HAPLN1: variants seen among roughly 807,000 people sequenced by gnomAD.
HAPLN1 encodes hyaluronan and proteoglycan link protein 1.
A neutral mutation model predicts 36.5 loss-of-function variants in HAPLN1; 13 were observed. The ratio of observed to expected loss-of-function variants is 0.36; its 90% CI spans 0.23 to 0.57. The LOEUF is 0.57. Among genes scored for constraint, HAPLN1 ranks in the 20% least tolerant of loss-of-function variants. The pLI, the probability that HAPLN1 is intolerant of heterozygous loss-of-function variation, is 0.83. For synonymous variants in HAPLN1, 202 were observed against 169.8 expected (o/e 1.19, Z -1.48); for missense variants, 407 against 439.7 (o/e 0.93, Z 0.66).
chr5:83,713,146 A>G (rs979702854), intron 1 of HAPLN1, among the ~76,000 whole-genome samples: 1 of 152,228 alleles, frequency 6.6e-6, no homozygotes. Context: ...ATGCAGCAAC[A>G]TATATTTAAA....
At chr5:83,648,324 C>T (rs762617105) in intron 3 of HAPLN1, among the ~76,000 whole-genome samples, 1 of 142,170 alleles carries the variant, frequency 7.0e-6, no homozygotes, top group Non-Finnish European at 1.5e-5. Flanking sequence ...CAGTTCTTAA[C>T]AACTAACAGC....
rs564833619 is a variant in HAPLN1, at chr5:83,638,938, T to C, written c.*2558A>G. The stretch of plus-strand genomic sequence containing the variant: ...TTCCTTATATGGTCACCAGTGTTAA[T>C]TATGGACAAATACATTAAAACAAGG... On this transcript the variant is annotated 3_prime_UTR_variant, in exon 5 of 5. Coordinates refer to ENST00000274341, the MANE Select transcript of HAPLN1 (RefSeq NM_001884.4). The C allele has an allele frequency of 6.6e-6, 1 of 152,044 alleles. No homozygotes were observed. Among genetic ancestry groups the C allele is most frequent in the Non-Finnish European group, 1.5e-5 (1 of 67,902 alleles). 9.4% of individuals were successfully genotyped at this position (152,044 alleles called of 1,614,324 possible).
Position 83,639,609 on chromosome 5 carries a change from AATAAT to A in HAPLN1, c.*1882_*1886del, listed in dbSNP as rs1323601173. On this transcript the variant is annotated 3_prime_UTR_variant, in exon 5 of 5. Coordinates refer to ENST00000274341, the MANE Select transcript of HAPLN1 (RefSeq NM_001884.4). ...TATTTGGGAGATAGTCCCCTCTTTA[AATAAT>A]ATATCATCTCATCCTAGACCATTTA... 6.6e-6 allele frequency: 1 copy of A among 151,416 alleles called. No individual in the cohort carries two copies. The highest frequency in any genetic ancestry group is 1.5e-5 in the Non-Finnish European group (1 of 67,616). 9.4% of individuals were successfully genotyped at this position (151,416 alleles called of 1,614,324 possible). A position where few individuals can be genotyped will look rare whatever the true frequency, so the allele number is the denominator to read the frequency against.
chr5:83,670,304 C>T (rs73769333), intron 2 of HAPLN1, among the ~76,000 whole-genome samples: 3,275 of 152,228 alleles, frequency 0.022, 128 homozygotes, highest in African/African-American at 0.074. Flanking sequence ...CACATTGTGA[C>T]ATGAGGAACA....
Position 83,651,701 on chromosome 5 carries a change from T to A in HAPLN1, c.472+752A>T, listed in dbSNP as rs532988755. 3.8e-4 allele frequency among the ~76,000 whole-genome samples: 51 copies of A among 134,850 alleles called. 1 individual carries two copies. The South Asian group carries it at 0.011, about 30-fold the overall frequency. The allele number at this position is 134,850 out of a possible 152,430, so 88.5% of individuals were successfully genotyped here. On this transcript the variant is annotated intron_variant, in intron 3 of 4. Transcript: ENST00000274341. The stretch of plus-strand genomic sequence containing the variant: ...AATGCTGCCAAAATCCACCCTTCAG[T>A]ATAAAATAATGCTGAAATTTACGAA...
chr5:83,653,506 T>C (rs1750133147), intron 2 of HAPLN1, among the ~76,000 whole-genome samples: 1 of 152,234 alleles, frequency 6.6e-6, no homozygotes, highest in Non-Finnish European at 1.5e-5. Context: ...TGAAATGTAT[T>C]CCTCAAAATT....
At chr5:83,668,094 C>G (rs1750604639) in intron 2 of HAPLN1, among the ~76,000 whole-genome samples, 1 of 152,180 alleles carries the variant, frequency 6.6e-6, no homozygotes, top group Admixed American at 6.5e-5. Flanking sequence ...ATTTAGCAAA[C>G]ATGTATTGAT....
rs1042371007 is a variant in HAPLN1, at chr5:83,640,415, T to G, written c.*1081A>C. 6.6e-6 allele frequency: 1 copy of G among 152,046 alleles called. No individual in the cohort carries two copies. Among genetic ancestry groups the G allele is most frequent in the Non-Finnish European group, 1.5e-5 (1 of 67,982 alleles). The allele number at this position is 152,046 out of a possible 1,614,324, so 9.4% of individuals were successfully genotyped here. A position where few individuals can be genotyped will look rare whatever the true frequency, so the allele number is the denominator to read the frequency against. On this transcript the variant is annotated 3_prime_UTR_variant, in exon 5 of 5. Coordinates refer to ENST00000274341, the MANE Select transcript of HAPLN1 (RefSeq NM_001884.4). Reference sequence around the variant, plus strand: ...GGTTTAGAACTACACTGTTGACTTTTCCCCCCAAACACAGGCACTGGTTGG... The same window carrying G: ...GGTTTAGAACTACACTGTTGACTTTGCCCCCCAAACACAGGCACTGGTTGG...
intron 1 of HAPLN1, among the ~76,000 whole-genome samples, chr5:83,677,020 A>C (rs1191648990): frequency 6.6e-6 from 1 of 152,218 alleles, no homozygotes; most frequent in Non-Finnish European, 1.5e-5. Flanking sequence ...AGATATACTA[A>C]TATCAACAGT....
intron 2 of HAPLN1, among the ~76,000 whole-genome samples, chr5:83,654,870 C>A (rs1245702956): frequency 6.6e-6 from 1 of 152,068 alleles, no homozygotes; most frequent in Non-Finnish European, 1.5e-5. Flanking sequence ...GCCTCTAAGC[C>A]CTAATTTCCT....
intron 4 of HAPLN1, among the ~76,000 whole-genome samples, chr5:83,643,442 T>C (rs1361872441): frequency 6.6e-6 from 1 of 150,846 alleles, no homozygotes; most frequent in Non-Finnish European, 1.5e-5. Flanking sequence ...GGACCTCAAA[T>C]ATAAATAATG....
At chr5:83,695,496 T>G (rs1312622876) in intron 1 of HAPLN1, among the ~76,000 whole-genome samples, 1 of 151,324 alleles carries the variant, frequency 6.6e-6, no homozygotes, top group African/African-American at 2.4e-5. Flanking sequence ...ATAAAACAGA[T>G]AGATCACTAA....
chr5:83,663,366 T>C (rs1413691722), intron 2 of HAPLN1, among the ~76,000 whole-genome samples: 1 of 152,232 alleles, frequency 6.6e-6, no homozygotes, highest in African/African-American at 2.4e-5. Flanking sequence ...GTTCAGACTC[T>C]GGGAAGTGAA....
intron 1 of HAPLN1, among the ~76,000 whole-genome samples, chr5:83,692,372 T>C (rs932573769): frequency 2.0e-5 from 3 of 150,764 alleles, no homozygotes; most frequent in East Asian, 3.9e-4. Context: ...AAAGAGAAAA[T>C]CTGAAAGAAA....
At chr5:83,702,919 C>T (rs184540725) in intron 1 of HAPLN1, among the ~76,000 whole-genome samples, 9 of 152,248 alleles carry the variant, frequency 5.9e-5, no homozygotes, top group Admixed American at 3.9e-4. Flanking sequence ...GCCATGTTGG[C>T]CAGGCTGGTC....
At position 83,652,750 on chromosome 5, in the gene HAPLN1, G is replaced by A. The variant is rs1371839099; in HGVS notation, c.175C>T (p.Leu59=). Residue 59 remains leucine (L), a synonymous_variant, in exon 3 of 5, where the codon CTG becomes TTG. Transcript: ENST00000274341. ...VFSHRGGNVT[L]PCKFYRDPTA... is the part of the protein sequence containing the mutation. ...GGGTCTCGATAAAATTTACATGGCA[G>A]TGTAACATTGCCACCTCTGTGTGAA... is the stretch of plus-strand genomic sequence containing the variant. 6.2e-7 allele frequency: 1 copy of A among 1,613,898 alleles called. No individual in the cohort carries two copies. The highest frequency in any genetic ancestry group is 1.7e-5 in the Admixed American group (1 of 60,012).
chr5:83,644,300 G>A, intron 4 of HAPLN1, 63 bp downstream of exon 4: 1 of 1,165,044 alleles, frequency 8.6e-7, no homozygotes, highest in Non-Finnish European at 1.1e-6. Flanking sequence ...AAAGCCAAGT[G>A]TAGTGTTATA....
At chr5:83,659,218 G>A (rs1750311531) in intron 2 of HAPLN1, among the ~76,000 whole-genome samples, 3 of 151,884 alleles carry the variant, frequency 2.0e-5, no homozygotes, top group Admixed American at 2.0e-4. Context: ...AGGTTGCAGT[G>A]AGCCAAGATT....
intron 3 of HAPLN1, among the ~76,000 whole-genome samples, chr5:83,648,170 G>A (rs902996955): frequency 1.3e-5 from 2 of 151,766 alleles, no homozygotes; most frequent in Non-Finnish European, 2.9e-5. Flanking sequence ...TTCTAGGTAG[G>A]TAATTGGTGG....
Sources: gnomAD v4.1 joint callset for allele counts (sites outside exome capture counted in the v4.1 genomes callset) on GRCh38, gnomAD v4.1.1 for gene constraint, MANE v1.5 for transcripts, NCBI Gene and HGNC (gene_info 2026-07-23, HGNC 2026-07-21) for gene names.